PIP5K1C: variants seen among roughly 807,000 people sequenced by gnomAD.
PIP5K1C encodes phosphatidylinositol-4-phosphate 5-kinase type 1 gamma.
In PIP5K1C, 45 loss-of-function variants were observed where a neutral mutation model predicts 80.1. The observed-to-expected ratio is 0.56, with a 90% CI of 0.44 to 0.72. PIP5K1C has a LOEUF of 0.72. Ranked by LOEUF, PIP5K1C falls within the 30% of genes least tolerant of loss-of-function variation. The pLI is 0.00. For synonymous variants in PIP5K1C, 498 were observed against 420.1 expected (o/e 1.19, Z -2.27); for missense variants, 753 against 954.6 (o/e 0.79, Z 2.78).
At chr19:3,652,666 T>A (rs1274142382) in intron 7 of PIP5K1C, among the ~76,000 whole-genome samples, 1 of 152,176 alleles carries the variant, frequency 6.6e-6, no homozygotes, top group Non-Finnish European at 1.5e-5. Flanking sequence ...TATCATTCTT[T>A]CGCTAACACG....
At chr19:3,668,735 T>A (rs1401607294) in intron 1 of PIP5K1C, among the ~76,000 whole-genome samples, 1 of 151,930 alleles carries the variant, frequency 6.6e-6, no homozygotes, top group Non-Finnish European at 1.5e-5. Context: ...GGCGCAGGGC[T>A]GGGTGTTTGA....
chr19:3,644,244 C>T lies in PIP5K1C; in HGVS notation c.1353G>A (p.Lys451=), dbSNP rs1256265359. 1 of 1,612,080 alleles carries T rather than the reference C, an allele frequency of 6.2e-7. No individual in the cohort carries two copies. Among genetic ancestry groups the T allele is most frequent in the African/African-American group, 1.3e-5 (1 of 74,910 alleles). ...CGCGCCCCTTCTTGGAGGGCGAGGA[C>T]TTCAGGGCTGCAGGGAAGGGTGGGG... The part of the protein sequence containing the change: ...NTVFRKNSSL[K]SSPSKKGRGG... Residue 451 remains lysine, a synonymous_variant, in exon 12 of 18, where the codon AAG becomes AAA. Transcript: ENST00000335312.
chr19:3,647,421 C>T (rs1219847144), intron 9 of PIP5K1C, 35 bp from the exon 10 acceptor site: 1 of 1,555,660 alleles, frequency 6.4e-7, no homozygotes, highest in Non-Finnish European at 8.7e-7. Flanking sequence ...CAGCTGACAT[C>T]AGCCAAGCCC....
chr19:3,684,115 CCT>C (rs901799929), intron 1 of PIP5K1C, among the ~76,000 whole-genome samples: 6 of 152,120 alleles, frequency 3.9e-5, no homozygotes, highest in African/African-American at 1.4e-4. Flanking sequence ...TGGGAAGTGG[CCT>C]CTGTGTCACC....
rs998789720 is a variant in PIP5K1C, at chr19:3,637,609, G to A, written c.1920+1275C>T. On this transcript the variant is annotated intron_variant, in intron 16 of 17. Transcript: ENST00000335312. The surrounding 1 kb of genome is among the most constrained non-coding windows in gnomAD (Gnocchi z 7.0). ...AGAGTAAATCCAGTACCTCCCATCC[G>A]TGAACTGGACGGGGCGGGCCGGGTG... 17 of 1,199,866 alleles carry A rather than the reference G, an allele frequency of 1.4e-5. No individual in the cohort carries two copies. The highest frequency in any genetic ancestry group is 1.1e-4 in the Admixed American group (5 of 45,406). 74.3% of individuals were successfully genotyped at this position (1,199,866 alleles called of 1,614,324 possible). A position where few individuals can be genotyped will look rare whatever the true frequency, so the allele number is the denominator to read the frequency against.
intron 1 of PIP5K1C, among the ~76,000 whole-genome samples, chr19:3,682,445 C>G (rs939725689): frequency 3.3e-5 from 5 of 151,680 alleles, no homozygotes; most frequent in Admixed American, 6.6e-5. Flanking sequence ...ACTTGGAGGC[C>G]GAGGTGGGAG....
chr19:3,648,852 C>T lies in PIP5K1C; in HGVS notation c.1128-144G>A, dbSNP rs950297739. 20 of 677,434 alleles carry T rather than the reference C, an allele frequency of 3.0e-5. No homozygotes were observed. The highest frequency in any genetic ancestry group is 1.4e-4 in the African/African-American group (8 of 56,684). 42.0% of individuals were successfully genotyped at this position (677,434 alleles called of 1,614,324 possible). A position where few individuals can be genotyped will look rare whatever the true frequency, so the allele number is the denominator to read the frequency against. On this transcript the variant is annotated intron_variant, in intron 8 of 17. Transcript: ENST00000335312. The surrounding 1 kb of genome is among the most constrained non-coding windows in gnomAD (Gnocchi z 4.3). Reference sequence around the variant, plus strand: ...AGCTCTCGGAGTGGGGCCTGGCACCCGGGAACCTCTGTCCTGACATCCCTC... The same window carrying T: ...AGCTCTCGGAGTGGGGCCTGGCACCTGGGAACCTCTGTCCTGACATCCCTC...
chr19:3,677,106 T>TTAAAA (rs1190459008), intron 1 of PIP5K1C, among the ~76,000 whole-genome samples: 10 of 150,594 alleles, frequency 6.6e-5, no homozygotes, highest in South Asian at 2.1e-4. Context: ...TGTCTTAAAA[T>TTAAAA]TAAAATAAAA....
intron 1 of PIP5K1C, among the ~76,000 whole-genome samples, chr19:3,689,835 G>A (rs531307935): frequency 2.0e-5 from 3 of 151,488 alleles, no homozygotes; most frequent in African/African-American, 4.9e-5. Flanking sequence ...ACACACTAAC[G>A]TACACTCCCC....
chr19:3,656,794 G>A lies in PIP5K1C; in HGVS notation c.469-237C>T, dbSNP rs868800629. Among the ~76,000 whole-genome samples, 10 of 152,340 alleles carry A rather than the reference G, an allele frequency of 6.6e-5. No homozygotes were observed. In the South Asian group the frequency reaches 2.1e-3, roughly 32 times the overall value. On this transcript the variant is annotated intron_variant, in intron 5 of 17. Transcript: ENST00000335312. The stretch of plus-strand genomic sequence containing the variant: ...CTGGTCTGCTAGGGCGCACTCCCCA[G>A]GCTGCCTGCTGCTCTCCTTAGGAGC...
chr19:3,679,790 G>A (rs558786376), intron 1 of PIP5K1C, among the ~76,000 whole-genome samples: 1 of 152,368 alleles, frequency 6.6e-6, no homozygotes, highest in East Asian at 1.9e-4. Context: ...CAGGGTTGGA[G>A]GGGCCCAAGG....
At chr19:3,656,004 C>A (rs1365277904) in intron 6 of PIP5K1C, among the ~76,000 whole-genome samples, 2 of 152,244 alleles carry the variant, frequency 1.3e-5, no homozygotes, top group Non-Finnish European at 2.9e-5. Context: ...GTGGCCCATC[C>A]CCCTCCTCTC....
intron 6 of PIP5K1C, among the ~76,000 whole-genome samples, chr19:3,656,095 G>A (rs904066285): frequency 2.0e-5 from 3 of 152,230 alleles, no homozygotes; most frequent in Non-Finnish European, 4.4e-5. Context: ...CTGGTTCTGG[G>A]GCCCACGGCT....
chr19:3,652,681 C>T (rs1374594458), intron 7 of PIP5K1C, among the ~76,000 whole-genome samples: 1 of 152,176 alleles, frequency 6.6e-6, no homozygotes, highest in African/African-American at 2.4e-5. Context: ...AACACGGAGC[C>T]AACGCAGGCT....
intron 3 of PIP5K1C, 93 bp downstream of exon 3, chr19:3,664,729 G>T: frequency 9.3e-7 from 1 of 1,073,954 alleles, no homozygotes. Flanking sequence ...GGTTTGTGTC[G>T]GGGGCGATAG....
chr19:3,648,550 G>A lies in PIP5K1C; in HGVS notation c.1211+75C>T. On this transcript the variant is annotated intron_variant, in intron 9 of 17. Coordinates refer to ENST00000335312, the MANE Select transcript of PIP5K1C (RefSeq NM_012398.3). The surrounding 1 kb of genome is among the most constrained non-coding windows in gnomAD (Gnocchi z 4.3). ...GACCCGGGCGCCCACCTGTGGGGCT[G>A]CAGACCCGGGCGCCCACCTGTGGGA... The A allele has an allele frequency of 1.8e-6, 2 of 1,088,392 alleles. No homozygotes were observed. The highest frequency in any genetic ancestry group is 1.5e-5 in the South Asian group (1 of 67,528). 67.4% of individuals were successfully genotyped at this position (1,088,392 alleles called of 1,614,324 possible).
chr19:3,687,525 G>GCA (rs1431176685), intron 1 of PIP5K1C, among the ~76,000 whole-genome samples: 3 of 110,670 alleles, frequency 2.7e-5, no homozygotes, highest in South Asian at 2.8e-4. Flanking sequence ...ATGCACACAT[G>GCA]CACACGCACA....
intron 1 of PIP5K1C, among the ~76,000 whole-genome samples, chr19:3,671,757 G>A (rs899788067): frequency 6.6e-6 from 1 of 152,150 alleles, no homozygotes; most frequent in East Asian, 1.9e-4. Flanking sequence ...GGGGGTGGGG[G>A]CAGGTGAGCG....
chr19:3,687,499 G>GCACACACGCACACGCA (rs1568358242), intron 1 of PIP5K1C, among the ~76,000 whole-genome samples: 3 of 151,026 alleles, frequency 2.0e-5, no homozygotes, highest in Non-Finnish European at 2.9e-5. Context: ...GCACATACAC[G>GCACACACGCACACGCA]CACACATGCA....
Sources: allele counts gnomAD v4.1 joint callset (sites outside exome capture counted in the v4.1 genomes callset), GRCh38; gene constraint gnomAD v4.1.1; non-coding constraint Gnocchi (gnomAD v3.1); transcripts MANE v1.5; gene names NCBI Gene and HGNC (gene_info 2026-07-23, HGNC 2026-07-21).